Variants in WDR27 observed in about 807,000 individuals in gnomAD.
WDR27 encodes the protein WD repeat domain 27.
WDR27 carries 100 observed loss-of-function variants against 114.4 expected under a neutral mutation model. The observed-to-expected ratio is 0.87, with a 90% CI of 0.74 to 1.03. The LOEUF is 1.03. Among genes scored for constraint, WDR27 ranks in the 50% least tolerant of loss-of-function variants. The pLI is 0.00. For synonymous variants in WDR27, 449 were observed against 423.1 expected (o/e 1.06, Z -0.75); for missense variants, 1,129 against 1,092.9 (o/e 1.03, Z -0.47).
Position 169,660,659 on chromosome 6 carries a change from T to C in WDR27, c.1129+4A>G, listed in dbSNP as rs370577223. 8.1e-5 allele frequency: 130 copies of C among 1,610,810 alleles called. No homozygotes were observed. In the African/African-American group the frequency reaches 1.6e-3, roughly 20 times the overall value. ...TTACATGGCGTTGAAATCAAAGATC[T>C]TACCCTTGTAATACAAAGCAGCTTC... is the stretch of plus-strand genomic sequence containing the variant. On this transcript the variant is annotated splice_donor_region_variant and intron_variant, in intron 10 of 25. Transcript: ENST00000448612.
intron 2 of WDR27, among the ~76,000 whole-genome samples, chr6:169,676,789 T>G (rs9396994): frequency 0.089 from 13,550 of 152,220 alleles, 1,790 homozygotes; most frequent in East Asian, 0.6. Context: ...GCCCCCACTT[T>G]GAACTGTCCC....
intron 23 of WDR27, among the ~76,000 whole-genome samples, chr6:169,597,098 C>G (rs934999725): frequency 1.3e-5 from 2 of 152,088 alleles, no homozygotes; most frequent in Admixed American, 1.3e-4. Context: ...AAAGTATTAT[C>G]ATATCAGCTT....
chr6:169,482,332 T>A (rs1437035053), intron 25 of WDR27, among the ~76,000 whole-genome samples: 1 of 152,244 alleles, frequency 6.6e-6, no homozygotes, highest in African/African-American at 2.4e-5. Flanking sequence ...GATTGCTAGG[T>A]TGAATGGTAA....
intron 2 of WDR27, among the ~76,000 whole-genome samples, chr6:169,686,185 T>C (rs777952335): frequency 2.6e-5 from 4 of 152,132 alleles, no homozygotes; most frequent in Non-Finnish European, 4.4e-5. Flanking sequence ...TTACAAGAAA[T>C]GCTCAAGGGA....
intron 25 of WDR27, among the ~76,000 whole-genome samples, chr6:169,477,149 A>G (rs1394476018): frequency 1.3e-5 from 2 of 152,212 alleles, no homozygotes; most frequent in African/African-American, 2.4e-5. Flanking sequence ...AAGTCATTAG[A>G]TTTTCTGATG....
intron 25 of WDR27, among the ~76,000 whole-genome samples, chr6:169,565,458 C>G (rs1800312696): frequency 6.6e-6 from 1 of 151,952 alleles, no homozygotes; most frequent in Non-Finnish European, 1.5e-5. Flanking sequence ...GAAGTCTCAT[C>G]CCCTAAAAAC....
At position 169,638,550 on chromosome 6, in the gene WDR27, C is replaced by A. The variant is rs369074175; in HGVS notation, c.1858G>T (p.Ala620Ser). Residue 620 changes from alanine (A) to serine (S), a missense_variant, in exon 18 of 26, where the codon GCA becomes TCA. Physicochemically the swap from Ala to Ser is moderately conservative, Grantham distance 99. Transcript: ENST00000448612. ...TGACTGTCCATTACCAGAAGCAGTG[C>A]GAGCTCTGCCCCACGAGCCGACCAC... ...RMWSARGAELALLLGKDMFSK... is the reference protein window; with the variant it reads ...RMWSARGAELSLLLGKDMFSK... The A allele has an allele frequency of 1.7e-5, 27 of 1,610,746 alleles. No individual in the cohort carries two copies. Among genetic ancestry groups the A allele is most frequent in the Non-Finnish European group, 2.2e-5 (26 of 1,178,984 alleles).
chr6:169,620,052 G>A (rs1812740252), intron 21 of WDR27, among the ~76,000 whole-genome samples: 1 of 152,178 alleles, frequency 6.6e-6, no homozygotes, highest in Admixed American at 6.5e-5. Context: ...GATACATAAG[G>A]TTAAATAAAA....
At chr6:169,435,453 T>G in the WDR27 span, among the ~76,000 whole-genome samples, 1 of 152,164 alleles carries the variant, frequency 6.6e-6, no homozygotes, top group Non-Finnish European at 1.5e-5. Context: ...TGAAAGCAGC[T>G]GGGAGGAAGC....
chr6:169,573,022 T>TC (rs35139638), intron 24 of WDR27, among the ~76,000 whole-genome samples: 69,261 of 151,798 alleles, frequency 0.46, 19,762 homozygotes, highest in Non-Finnish European at 0.65. Flanking sequence ...AACAGAGCCG[T>TC]CCCCACGCCA....
At chr6:169,486,441 C>T (rs554630754) in intron 25 of WDR27, among the ~76,000 whole-genome samples, 12 of 152,186 alleles carry the variant, frequency 7.9e-5, no homozygotes, top group African/African-American at 2.2e-4. Flanking sequence ...TTGCAGGCTC[C>T]GGCAGCCTTT....
intron 22 of WDR27, among the ~76,000 whole-genome samples, chr6:169,609,071 G>A (rs555348274): frequency 6.6e-6 from 1 of 152,346 alleles, no homozygotes; most frequent in South Asian, 2.1e-4. Flanking sequence ...TCACACTGAT[G>A]CAAGAGGTGG....
chr6:169,623,984 G>A (rs1188171772), intron 21 of WDR27, among the ~76,000 whole-genome samples: 1 of 152,156 alleles, frequency 6.6e-6, no homozygotes, highest in African/African-American at 2.4e-5. Context: ...CCCACGAGGC[G>A]AGGTGAACAC....
the WDR27 span, among the ~76,000 whole-genome samples, chr6:169,433,557 G>A: frequency 2.6e-5 from 4 of 152,184 alleles, no homozygotes; most frequent in African/African-American, 9.7e-5. Context: ...ACATATGTGT[G>A]CATGTGTCTT....
intron 1 of WDR27, among the ~76,000 whole-genome samples, chr6:169,696,564 C>A (rs1008639428): frequency 6.6e-6 from 1 of 152,196 alleles, no homozygotes; most frequent in African/African-American, 2.4e-5. Context: ...GAAAGACAAT[C>A]CGAAGACCTG....
intron 8 of WDR27, 127 bp from the exon 9 acceptor site, chr6:169,662,551 C>T (rs1562859897): frequency 1.6e-6 from 2 of 1,241,188 alleles, no homozygotes; most frequent in South Asian, 1.5e-5. Context: ...GATCACGCGT[C>T]GAGGAAAGCA....
Position 169,564,786 on chromosome 6 carries a change from T to G in WDR27, c.2645+7633A>C, listed in dbSNP as rs540086439. 7.2e-5 allele frequency among the ~76,000 whole-genome samples: 11 copies of G among 152,168 alleles called. No homozygotes were observed. The South Asian group carries it at 2.1e-3, about 29-fold the overall frequency. On this transcript the variant is annotated intron_variant, in intron 25 of 25. Transcript: ENST00000448612. ...ACTGGAACGCTCCATGGCTCCCATC[T>G]CCCAGCCCAGTTTTCTGGCCCTGCC...
At chr6:169,611,028 C>A (rs1810409896) in intron 22 of WDR27, among the ~76,000 whole-genome samples, 1 of 151,924 alleles carries the variant, frequency 6.6e-6, no homozygotes, top group Admixed American at 6.6e-5. Context: ...GCCACTTGTA[C>A]CCCAAAAACT....
At chr6:169,658,187 TA>T in intron 13 of WDR27, 88 bp downstream of exon 13, 1 of 1,032,718 alleles carries the variant, frequency 9.7e-7, no homozygotes, top group Non-Finnish European at 1.5e-6. Context: ...TATTTTAACA[TA>T]AGAATTCGCA....
Sources: allele counts gnomAD v4.1 joint callset (sites outside exome capture counted in the v4.1 genomes callset), GRCh38; gene constraint gnomAD v4.1.1; transcripts MANE v1.5; gene names NCBI Gene and HGNC (gene_info 2026-07-23, HGNC 2026-07-21).